DLC1: variants seen among roughly 807,000 people sequenced by gnomAD.
DLC1 encodes the protein DLC1 Rho GTPase activating protein, also known as rho GTPase-activating protein 7.
A neutral mutation model predicts 140.3 loss-of-function variants in DLC1; 54 were observed. The ratio of observed to expected loss-of-function variants is 0.38; its 90% CI spans 0.31 to 0.48. The LOEUF (loss-of-function observed/expected upper bound fraction) is 0.48. DLC1 is among the 20% of genes least tolerant of loss of function. DLC1 has a pLI of 0.96. For missense variants in DLC1, 2,536 were observed against 1,907.0 expected (o/e 1.33, Z -6.14); for synonymous variants, 986 against 728.1 (o/e 1.35, Z -5.70).
intron 1 of DLC1, among the ~76,000 whole-genome samples, chr8:13,552,011 ATG>A (rs1294858860): frequency 7.1e-6 from 1 of 141,270 alleles, no homozygotes; most frequent in African/African-American, 2.6e-5. Context: ...GTGCATATAT[ATG>A]TGTGTGTATA....
Position 13,098,527 on chromosome 8 carries a change from G to C in DLC1, c.3039C>G (p.Leu1013=). Residue 1013 remains leucine, a synonymous_variant, in exon 10 of 18, where the codon CTC becomes CTG. Transcript: ENST00000276297. The part of the protein sequence containing the change: ...HSFQSSHRPS[L]NSVSLQINCQ... The stretch of plus-strand genomic sequence containing the variant: ...AGTTAATCTGTAGTGATACAGAGTT[G>C]AGGCTTGGCCGATGTGAGCTCTGGA... The C allele has an allele frequency of 6.2e-7, 1 of 1,614,258 alleles. No individual in the cohort carries two copies. Among genetic ancestry groups the C allele is most frequent in the Non-Finnish European group, 8.5e-7 (1 of 1,180,040 alleles).
intron 6 of DLC1, 54 bp downstream of exon 6, chr8:13,115,532 C>G: frequency 6.7e-7 from 1 of 1,500,508 alleles, no homozygotes; most frequent in Non-Finnish European, 9.2e-7. Flanking sequence ...GTAATACTCG[C>G]GAACAAGGGA....
intron 1 of DLC1, among the ~76,000 whole-genome samples, chr8:13,503,336 C>A (rs1379126834): frequency 6.6e-6 from 1 of 151,900 alleles, no homozygotes; most frequent in Non-Finnish European, 1.5e-5. Context: ...CCCAGGAGGT[C>A]AAGACTGCAG....
intron 2 of DLC1, among the ~76,000 whole-genome samples, chr8:13,493,161 G>A (rs1249830510): frequency 6.6e-6 from 1 of 152,160 alleles, no homozygotes; most frequent in Non-Finnish European, 1.5e-5. Context: ...CTTCTCAACA[G>A]GCCTGTGTCA....
At chr8:13,202,453 A>G (rs566866259) in intron 5 of DLC1, among the ~76,000 whole-genome samples, 7 of 152,230 alleles carry the variant, frequency 4.6e-5, no homozygotes, top group African/African-American at 1.7e-4. Context: ...ATTCCTGGAT[A>G]TTTAGGCCAA....
chr8:13,548,819 C>T (rs984327645), intron 1 of DLC1, among the ~76,000 whole-genome samples: 1 of 151,986 alleles, frequency 6.6e-6, no homozygotes, highest in Admixed American at 6.6e-5. Flanking sequence ...AATTTCTTAG[C>T]TGAGCCATAG....
intron 4 of DLC1, among the ~76,000 whole-genome samples, chr8:13,356,958 G>C (rs1351107993): frequency 6.6e-6 from 1 of 152,030 alleles, no homozygotes; most frequent in Non-Finnish European, 1.5e-5. Context: ...ACAAGTACGA[G>C]TTCAGAGAAG....
chr8:13,385,017 T>C (rs913676795), intron 4 of DLC1, among the ~76,000 whole-genome samples: 1 of 152,154 alleles, frequency 6.6e-6, no homozygotes, highest in African/African-American at 2.4e-5. Flanking sequence ...GAACATCTTA[T>C]AAAGAAGGCC....
At chr8:13,281,599 C>T (rs1199593155) in intron 5 of DLC1, among the ~76,000 whole-genome samples, 1 of 152,132 alleles carries the variant, frequency 6.6e-6, no homozygotes, top group African/African-American at 2.4e-5. Context: ...GCTTAGAAAG[C>T]TTTACTGACA....
chr8:13,369,159 C>A (rs557824236), intron 4 of DLC1, among the ~76,000 whole-genome samples: 2 of 152,186 alleles, frequency 1.3e-5, no homozygotes, highest in African/African-American at 4.8e-5. Flanking sequence ...ATATGTCCAT[C>A]CTGCATCCTC....
chr8:13,265,056 G>A (rs1830627457), intron 5 of DLC1, among the ~76,000 whole-genome samples: 2 of 152,052 alleles, frequency 1.3e-5, no homozygotes, highest in African/African-American at 4.8e-5. Flanking sequence ...TTTGTACAAG[G>A]GTATGGGTCA....
chr8:13,525,971 C>T (rs1458717171), intron 1 of DLC1, among the ~76,000 whole-genome samples: 1 of 152,034 alleles, frequency 6.6e-6, no homozygotes, highest in Admixed American at 6.6e-5. Flanking sequence ...CACCTAGGTT[C>T]TATGACATAT....
chr8:13,156,705 A>G (rs529057937), intron 5 of DLC1, among the ~76,000 whole-genome samples: 3 of 152,274 alleles, frequency 2.0e-5, no homozygotes, highest in Non-Finnish European at 2.9e-5. Flanking sequence ...TGATGTGGCT[A>G]AAGAGAATGT....
intron 5 of DLC1, among the ~76,000 whole-genome samples, chr8:13,122,483 A>G (rs1821175893): frequency 6.6e-6 from 1 of 150,424 alleles, no homozygotes; most frequent in South Asian, 2.1e-4. Flanking sequence ...GTTGGTGTGA[A>G]GAAGGAAAAG....
intron 1 of DLC1, among the ~76,000 whole-genome samples, chr8:13,581,088 C>G (rs530147713): frequency 6.6e-6 from 1 of 152,216 alleles, no homozygotes; most frequent in African/African-American, 2.4e-5. Context: ...GACTCTATTA[C>G]AAAGTATTTA....
At chr8:13,598,004 T>A (rs78326344) in intron 1 of DLC1, among the ~76,000 whole-genome samples, 6,195 of 152,086 alleles carry the variant, frequency 0.041, 179 homozygotes, top group Non-Finnish European at 0.063. Context: ...GTATCAAGAG[T>A]CTGATTACTA....
At chr8:13,260,710 C>G (rs11991404) in intron 5 of DLC1, among the ~76,000 whole-genome samples, 19,662 of 151,940 alleles carry the variant, frequency 0.13, 1,320 homozygotes, top group South Asian at 0.24. Flanking sequence ...ATATATGGTA[C>G]TTTGAGTTTC....
At chr8:13,158,157 A>G (rs1824397523) in intron 5 of DLC1, among the ~76,000 whole-genome samples, 2 of 152,212 alleles carry the variant, frequency 1.3e-5, no homozygotes, top group South Asian at 4.1e-4. Flanking sequence ...ATAAAAGCCC[A>G]TGTTTTTAAC....
intron 4 of DLC1, among the ~76,000 whole-genome samples, chr8:13,355,090 T>C (rs897903231): frequency 6.7e-6 from 1 of 148,218 alleles, no homozygotes; most frequent in Non-Finnish European, 1.5e-5. Flanking sequence ...AAATACATCA[T>C]TTTTTAGAGC....
Sources: gnomAD v4.1 joint callset for allele counts (sites outside exome capture counted in the v4.1 genomes callset) on GRCh38, gnomAD v4.1.1 for gene constraint, MANE v1.5 for transcripts, NCBI Gene and HGNC (gene_info 2026-07-23, HGNC 2026-07-21) for gene names.